The following ECPAS variants were observed in gnomAD, a reference collection of about 807,000 sequenced individuals.
The protein encoded by ECPAS is Ecm29 proteasome adaptor and scaffold.
Under a neutral mutation model 255.1 loss-of-function variants are expected in ECPAS, and 70 were observed. The observed-to-expected ratio is 0.27, with a 90% CI of 0.23 to 0.33. ECPAS has a LOEUF of 0.33. ECPAS is among the 10% of genes least tolerant of loss of function. ECPAS has a pLI of 1.00. For synonymous variants in ECPAS, 784 were observed against 775.0 expected (o/e 1.01, Z -0.19); for missense variants, 1,817 against 2,206.4 (o/e 0.82, Z 3.54).
At chr9:111,380,525 G>T (rs907895474) in intron 35 of ECPAS, among the ~76,000 whole-genome samples, 2 of 152,164 alleles carry the variant, frequency 1.3e-5, no homozygotes, top group Non-Finnish European at 2.9e-5. Flanking sequence ...AATGGTAAAT[G>T]AGCACTGGCT....
rs1285232896 is a variant in ECPAS, at chr9:111,376,315, C to A, written c.4020+161G>T. Reference sequence around the variant, plus strand: ...GGGAATTATTTATTCCACTTAGTAACAGAGAAGAAAAGAGAAATATACTAA... The same window carrying A: ...GGGAATTATTTATTCCACTTAGTAAAAGAGAAGAAAAGAGAAATATACTAA... On this transcript the variant is annotated intron_variant, in intron 37 of 49. Coordinates refer to ENST00000684092, the MANE Select transcript of ECPAS (RefSeq NM_001364929.1). Among the ~76,000 whole-genome samples, 3 of 152,124 alleles carry A rather than the reference C, an allele frequency of 2.0e-5. 1 individual carries two copies. The highest frequency in any genetic ancestry group is 2.4e-5 in the African/African-American group (1 of 41,422).
At chr9:111,472,192 T>C (rs530264827) in intron 2 of ECPAS, among the ~76,000 whole-genome samples, 2 of 151,570 alleles carry the variant, frequency 1.3e-5, no homozygotes, top group African/African-American at 2.4e-5. Context: ...AGGTGGCAGT[T>C]AGCCATGATT....
chr9:111,444,000 C>T (rs1001004206), intron 4 of ECPAS, among the ~76,000 whole-genome samples: 8 of 148,306 alleles, frequency 5.4e-5, no homozygotes, highest in African/African-American at 1.5e-4. Context: ...TGCCATTTTA[C>T]TAATTTTTTC....
intron 2 of ECPAS, among the ~76,000 whole-genome samples, chr9:111,459,550 G>C (rs2098270765): frequency 6.6e-6 from 1 of 152,104 alleles, no homozygotes; most frequent in Admixed American, 6.6e-5. Context: ...TCCTATGCTA[G>C]GTATGTTAAT....
chr9:111,384,598 C>T, intron 33 of ECPAS, 29 bp from the exon 34 acceptor site: 1 of 1,606,606 alleles, frequency 6.2e-7, no homozygotes. Context: ...TGACATCATA[C>T]AAGTTAGAGA....
intron 31 of ECPAS, among the ~76,000 whole-genome samples, chr9:111,388,181 G>GTCTT (rs2098153326): frequency 6.6e-6 from 1 of 151,694 alleles, no homozygotes; most frequent in Non-Finnish European, 1.5e-5. Context: ...AGAAAACCAA[G>GTCTT]ACAAAGAGGT....
At chr9:111,450,203 A>AT (rs2098258492) in intron 3 of ECPAS, among the ~76,000 whole-genome samples, 1 of 152,188 alleles carries the variant, frequency 6.6e-6, no homozygotes, top group Admixed American at 6.5e-5. Context: ...AACAAAACTG[A>AT]TAAGGCTAAG....
At chr9:111,399,072 C>T (rs530726441) in intron 24 of ECPAS, among the ~76,000 whole-genome samples, 63 of 152,254 alleles carry the variant, frequency 4.1e-4, no homozygotes, top group African/African-American at 1.3e-3. Context: ...AAAAGAAATG[C>T]TTGAGGGGAT....
At chr9:111,465,586 G>A (rs2098278585) in intron 2 of ECPAS, among the ~76,000 whole-genome samples, 2 of 139,782 alleles carry the variant, frequency 1.4e-5, no homozygotes, top group Admixed American at 7.0e-5. Context: ...GAAATAATTC[G>A]TTATTTTTAA....
In ECPAS at chr9:111,383,218, C is replaced by T; in HGVS notation, c.3796G>A (p.Ala1266Thr). ...TCATCAACGGATGCACACCTGAGGG[C>T]TCGAACTTCCGTCACGGTGCTCATC... Reference protein sequence around the residue: ...GMMSTVTEVRALSINTLVKIS... With the variant: ...GMMSTVTEVRTLSINTLVKIS... The change falls in exon 35 of 50, where the codon GCC (alanine) becomes ACC (threonine). Residue 1266 changes from alanine (A) to threonine (T), a missense_variant. Around this residue, in one of 4 missense-constraint regions of ECPAS, gnomAD observed 960 missense variants for 1,179.0 expected, o/e 0.81. Transcript: ENST00000684092. The T allele has an allele frequency of 6.2e-7, 1 of 1,613,806 alleles. No individual in the cohort carries two copies. Among genetic ancestry groups the T allele is most frequent in the Non-Finnish European group, 8.5e-7 (1 of 1,179,808 alleles).
Position 111,389,147 on chromosome 9 carries a change from C to T in ECPAS, c.3447+409G>A, listed in dbSNP as rs117039703. On this transcript the variant is annotated intron_variant, in intron 31 of 49. Transcript: ENST00000684092. ...AAGTGGGACAGAACATGATTAACAGCCAGATGAGAGGACACCAACAGAGAA... is the reference window on the plus strand; with the variant it reads ...AAGTGGGACAGAACATGATTAACAGTCAGATGAGAGGACACCAACAGAGAA... Among the ~76,000 whole-genome samples, 45 of 152,286 alleles carry T rather than the reference C, an allele frequency of 3.0e-4. 1 individual carries two copies. In the East Asian group the frequency reaches 6.9e-3, roughly 24 times the overall value.
intron 16 of ECPAS, among the ~76,000 whole-genome samples, 178 bp from the exon 17 acceptor site, chr9:111,418,184 A>C (rs890351295): frequency 6.6e-6 from 1 of 152,242 alleles, no homozygotes; most frequent in Non-Finnish European, 1.5e-5. Context: ...ACTTCTTTTC[A>C]GAAATTGCAT....
chr9:111,420,116 T>G lies in ECPAS; in HGVS notation c.1460A>C (p.Glu487Ala). ...ALVASYLIKP[E>A]VQVRQVAVKF... ...CACAGCCACTTGTCGAACTTGAACT[T>G]CAGGCTATTTCATGTGTAAACATAC... Residue 487 changes from glutamate (E) to alanine (A), a missense_variant, in exon 16 of 50, where the codon GAA becomes GCA. Physicochemically the swap from Glu to Ala is moderately radical, Grantham distance 107. Around this residue, in one of 4 missense-constraint regions of ECPAS, gnomAD observed 573 missense variants for 716.2 expected, o/e 0.80. Transcript: ENST00000684092. 10 of 1,610,870 alleles carry G rather than the reference T, an allele frequency of 6.2e-6. No individual in the cohort carries two copies. Among genetic ancestry groups the G allele is most frequent in the Non-Finnish European group, 8.5e-6 (10 of 1,177,552 alleles).
chr9:111,408,667 T>C lies in ECPAS; in HGVS notation c.2556A>G (p.Lys852=). 3 of 1,564,872 alleles carry C rather than the reference T, an allele frequency of 1.9e-6. No homozygotes were observed. Among genetic ancestry groups the C allele is most frequent in the Non-Finnish European group, 1.7e-6 (2 of 1,157,176 alleles). Residue 852 remains lysine, a synonymous_variant, in exon 24 of 50, where the codon AAA becomes AAG. Coordinates refer to ENST00000684092, the MANE Select transcript of ECPAS (RefSeq NM_001364929.1). The stretch of plus-strand genomic sequence containing the variant: ...ATCCCAGTGTTTGGATTGCTCGTTC[T>C]TTCATCTGGAAGAACACCAAATTTT... ...IPSSKETNKM[K]ERAIQTLGYF...
chr9:111,411,473 T>C (rs148002595), intron 21 of ECPAS, among the ~76,000 whole-genome samples: 3 of 152,218 alleles, frequency 2.0e-5, no homozygotes, highest in East Asian at 1.9e-4. Context: ...ACAGCACTTA[T>C]GTAACTAGAA....
In ECPAS at chr9:111,386,433, A is replaced by G. The variant is rs933374671; in HGVS notation, c.3471T>C (p.Ile1157=). ...TAAGGTTCTTAACCAAATCTTGAAG[A>G]ATTTCTTTCAAATATTTATCCACCT... ...KSMVDKYLKE[I]LQDLVKNLTS... The change falls in exon 32 of 50, where the codon ATT becomes ATC. Residue 1157 remains isoleucine, a synonymous_variant. Transcript: ENST00000684092. 3 of 1,594,238 alleles carry G rather than the reference A, an allele frequency of 1.9e-6. No individual in the cohort carries two copies. The highest frequency in any genetic ancestry group is 2.6e-6 in the Non-Finnish European group (3 of 1,165,022).
At chr9:111,367,925 C>T (rs1213584219) in intron 46 of ECPAS, among the ~76,000 whole-genome samples, 1 of 151,510 alleles carries the variant, frequency 6.6e-6, no homozygotes, top group Non-Finnish European at 1.5e-5. Flanking sequence ...ACTTGTAGAC[C>T]CAAATACTTG....
At chr9:111,407,414 A>AAAAAC (rs1286201530) in intron 24 of ECPAS, among the ~76,000 whole-genome samples, 5 of 119,674 alleles carry the variant, frequency 4.2e-5, no homozygotes, top group African/African-American at 1.6e-4. Flanking sequence ...AAAAAAAAAA[A>AAAAAC]AAAAAAAAAA....
rs2098298207 is a variant in ECPAS, at chr9:111,477,721, G to C, written c.-82-4721C>G. 2.6e-5 allele frequency among the ~76,000 whole-genome samples: 4 copies of C among 152,244 alleles called. No individual in the cohort carries two copies. The South Asian group carries it at 8.3e-4, about 32-fold the overall frequency. On this transcript the variant is annotated intron_variant, in intron 1 of 49. Coordinates refer to ENST00000684092, the MANE Select transcript of ECPAS (RefSeq NM_001364929.1). Reference sequence around the variant, plus strand: ...AGTACCAAACTCACAGGGTTGTTCTGAGGATTCAATTAGTTGATACATGCA... The same window carrying C: ...AGTACCAAACTCACAGGGTTGTTCTCAGGATTCAATTAGTTGATACATGCA...
Sources: gnomAD v4.1 joint callset for allele counts (sites outside exome capture counted in the v4.1 genomes callset) on GRCh38, gnomAD v4.1.1 for gene constraint, gnomAD v4.1.1 regional missense constraint, MANE v1.5 for transcripts, NCBI Gene and HGNC (gene_info 2026-07-23, HGNC 2026-07-21) for gene names.